AGAP2: variants seen among roughly 807,000 people sequenced by gnomAD.
AGAP2 encodes the protein ArfGAP with GTPase domain, ankyrin repeat and PH domain 2.
In AGAP2, 32 loss-of-function variants were observed where a neutral mutation model predicts 110.9. The ratio of observed to expected loss-of-function variants is 0.29; its 90% confidence interval spans 0.22 to 0.39. The LOEUF (loss-of-function observed/expected upper bound fraction) is 0.39, where lower values mean the gene tolerates loss of function less well. Ranked by LOEUF, AGAP2 falls within the 10% of genes least tolerant of loss-of-function variation. The pLI is 1.00. For missense variants in AGAP2, 1,285 were observed against 1,638.5 expected (o/e 0.78, Z 3.72); for synonymous variants, 702 against 713.0 (o/e 0.98, Z 0.25).
At position 57,737,350 on chromosome 12, in the gene AGAP2, C is replaced by A. The variant is rs780698460; in HGVS notation, c.897G>T (p.Pro299=). Residue 299 remains proline, a synonymous_variant, in exon 1 of 19, where the codon CCG becomes CCT. Transcript: ENST00000547588. This position sits in a 1 kb window ranked among gnomAD's most constrained non-coding sequence, Gnocchi z 5.9. ...CAGCGGTGACAGCAGTGGCTGGACTCGGAGTTGGTGGGAGGGTTAGCGGAG... is the reference window on the plus strand; with the variant it reads ...CAGCGGTGACAGCAGTGGCTGGACTAGGAGTTGGTGGGAGGGTTAGCGGAG... ...SPPPLTLPPT[P]SPATAVTAAS... The A allele has an allele frequency of 2.5e-6, 4 of 1,613,682 alleles. No individual in the cohort carries two copies. The highest frequency in any genetic ancestry group is 8.5e-7 in the Non-Finnish European group (1 of 1,179,824).
chr12:57,724,157 C>T (rs930685249), downstream of AGAP2: 8 of 152,334 alleles, frequency 5.3e-5, no homozygotes, highest in Admixed American at 2.0e-4. Context: ...GCCTAGGACC[C>T]TGTAGAGCCG....
chr12:57,732,328 T>C (rs1172210466), intron 7 of AGAP2, 75 bp downstream of exon 7: 1 of 1,375,168 alleles, frequency 7.3e-7, no homozygotes, highest in African/African-American at 1.4e-5. Flanking sequence ...CCTTGGGTAC[T>C]CTGTACCTGT....
At position 57,727,077 on chromosome 12, in the gene AGAP2, C is replaced by T; in HGVS notation, c.3233G>A (p.Arg1078Gln). ...ATVLLLLAHA[R>Q]HGPLDTSVED... ...TACGCTGGTGTCGAGCGGCCCGTGT[C>T]GCGCATGGGCCAAAAGCAGGAGAAC... Residue 1078 changes from arginine to glutamine, a missense_variant, in exon 18 of 19, where the codon CGA becomes CAA. Transcript: ENST00000547588. 2.5e-6 allele frequency: 4 copies of T among 1,594,692 alleles called. No individual in the cohort carries two copies. Among genetic ancestry groups the T allele is most frequent in the Non-Finnish European group, 3.4e-6 (4 of 1,171,634 alleles).
chr12:57,734,592 T>C lies in AGAP2; in HGVS notation c.1315A>G (p.Ser439Gly). 1 of 1,614,058 alleles carries C rather than the reference T, an allele frequency of 6.2e-7. No individual in the cohort carries two copies. The highest frequency in any genetic ancestry group is 8.5e-7 in the Non-Finnish European group (1 of 1,179,940). The change falls in exon 3 of 19, where the codon AGT (serine) becomes GGT (glycine). Residue 439 changes from serine (S) to glycine (G), a missense_variant and splice_region_variant. By Grantham distance (56) the Ser-to-Gly change is moderately conservative. This residue lies in a region of AGAP2 where 844 missense variants were observed against 941.2 expected (regional missense o/e 0.90). Transcript: ENST00000547588. Reference protein sequence around the residue: ...GSYQVLEKTESEQYKKEMLVD... With the variant: ...GSYQVLEKTEGEQYKKEMLVD... ...CTTACTATGGCTCTTCAGAACTCAC[T>C]CTCTGTCTTCTCCAGCACCTGGTAT... is the stretch of plus-strand genomic sequence containing the variant.
Position 57,727,556 on chromosome 12 carries a change from C to G in AGAP2, c.2884G>C (p.Gly962Arg). Reference sequence around the variant, plus strand: ...GAACACTCGATGCAGATGAGGGCGCCCAGGTTCAAGCTGGCCCACGTGGGG... The same window carrying G: ...GAACACTCGATGCAGATGAGGGCGCGCAGGTTCAAGCTGGCCCACGTGGGG... ...PNPTWASLNL[G>R]ALICIECSGI... The change falls in exon 17 of 19, where the codon GGC becomes CGC. Residue 962 changes from glycine (G) to arginine (R), a missense_variant. Gly to Arg is a moderately radical substitution (Grantham distance 125). This residue lies in a region of AGAP2 where 39 missense variants were observed against 45.8 expected (regional missense o/e 0.85). Transcript: ENST00000547588. 1 of 1,609,656 alleles carries G rather than the reference C, an allele frequency of 6.2e-7. No homozygotes were observed. The highest frequency in any genetic ancestry group is 8.5e-7 in the Non-Finnish European group (1 of 1,179,262).
At chr12:57,733,990 TCCCTTGAAAG>T (rs759098173) in intron 5 of AGAP2, 26 bp downstream of exon 5, 2 of 1,528,284 alleles carry the variant, frequency 1.3e-6, no homozygotes. Context: ...CCTTAGGGCC[TCCCTTGAAAG>T]CAGTGCTTTC....
Position 57,738,344 on chromosome 12 carries a change from C to T in AGAP2, c.-98G>A. On this transcript the variant is annotated 5_prime_UTR_variant, in exon 1 of 19. Transcript: ENST00000547588. This position sits in a 1 kb window ranked among gnomAD's most constrained non-coding sequence, Gnocchi z 6.7. ...GGCCGCCCTGCTCGCTGCCCCCAGC[C>T]CCCGGACCCCGCTGAGCCCCCGGCC... The T allele has an allele frequency of 7.7e-7, 1 of 1,290,418 alleles. No individual in the cohort carries two copies. Among genetic ancestry groups the T allele is most frequent in the Non-Finnish European group, 9.8e-7 (1 of 1,018,184 alleles). The allele number at this position is 1,290,418 out of a possible 1,614,324, so 79.9% of individuals were successfully genotyped here.
Position 57,725,223 on chromosome 12 carries a change from G to A in AGAP2, c.*1329C>T, listed in dbSNP as rs1954740319. On this transcript the variant is annotated 3_prime_UTR_variant, in exon 19 of 19. Coordinates refer to ENST00000547588, the MANE Select transcript of AGAP2 (RefSeq NM_001122772.3). The stretch of plus-strand genomic sequence containing the variant: ...AGACAAAATCACTTCCTCTTTAATT[G>A]CTGTTGAAGAAGATTCACACCACTG... 6.6e-6 allele frequency: 1 copy of A among 151,986 alleles called. No individual in the cohort carries two copies. 9.4% of individuals were successfully genotyped at this position (151,986 alleles called of 1,614,324 possible).
chr12:57,732,638 T>G (rs906090280), intron 6 of AGAP2, 126 bp from the exon 7 acceptor site: 3 of 1,280,168 alleles, frequency 2.3e-6, no homozygotes, highest in African/African-American at 2.9e-5. Context: ...GTGGCCTCCA[T>G]GCCACCTGTG....
At chr12:57,734,434 G>A (rs1242457111) in intron 3 of AGAP2, 30 bp from the exon 4 acceptor site, 3 of 1,612,116 alleles carry the variant, frequency 1.9e-6, no homozygotes, top group Non-Finnish European at 2.5e-6. Context: ...GGGGTAACAG[G>A]TCAGAGGTGA....
chr12:57,736,989 T>C (rs1236694395), intron 1 of AGAP2, 90 bp downstream of exon 1: 2 of 1,442,792 alleles, frequency 1.4e-6, no homozygotes, highest in Non-Finnish European at 1.8e-6. Flanking sequence ...GAGAAAAGCT[T>C]CCCTAGTTTC....
rs765334765 is a variant in AGAP2, at chr12:57,735,447, G to A, written c.1169-20C>T. The A allele has an allele frequency of 6.2e-7, 1 of 1,612,134 alleles. No homozygotes were observed. The highest frequency in any genetic ancestry group is 1.1e-5 in the South Asian group (1 of 90,572). On this transcript the variant is annotated intron_variant, in intron 1 of 18. Coordinates refer to ENST00000547588, the MANE Select transcript of AGAP2 (RefSeq NM_001122772.3). Reference sequence around the variant, plus strand: ...CAGCCTCTGTAACGGGAGAAGGGCAGTAAGAGGGGAGGCTCCTGGCTCAGA... The same window carrying A: ...CAGCCTCTGTAACGGGAGAAGGGCAATAAGAGGGGAGGCTCCTGGCTCAGA...
At chr12:57,738,886 C>T (rs1255521252), upstream of AGAP2, among the ~76,000 whole-genome samples, 1 of 151,944 alleles carries the variant, frequency 6.6e-6, no homozygotes, top group East Asian at 1.9e-4. The surrounding 1 kb of genome is among the most constrained non-coding windows in gnomAD (Gnocchi z 6.7). Flanking sequence ...GGCGTGAGAT[C>T]CGGGCGAAGA....
intron 17 of AGAP2, 57 bp downstream of exon 17, chr12:57,727,303 G>C: frequency 6.2e-7 from 1 of 1,608,674 alleles, no homozygotes; most frequent in Non-Finnish European, 8.5e-7. Flanking sequence ...CCACGGGACC[G>C]TCTCAGGTTC....
Position 57,726,968 on chromosome 12 carries a change from A to C in AGAP2, c.3336+6T>G. The C allele has an allele frequency of 6.4e-7, 1 of 1,561,242 alleles. No homozygotes were observed. The highest frequency in any genetic ancestry group is 8.7e-7 in the Non-Finnish European group (1 of 1,154,424). On this transcript the variant is annotated splice_donor_region_variant and intron_variant, in intron 18 of 18. Transcript: ENST00000547588. The surrounding 1 kb of genome is among the most constrained non-coding windows in gnomAD (Gnocchi z 5.7). ...AGACCCCCTTTCCTCCCCCCAGCTC[A>C]CGTACCCACAGCAGCAGTTGCGTGA...
At position 57,732,975 on chromosome 12, in the gene AGAP2, C is replaced by G. The variant is rs1439105726; in HGVS notation, c.1554G>C (p.Arg518Ser). 6.2e-7 allele frequency: 1 copy of G among 1,613,872 alleles called. No individual in the cohort carries two copies. The highest frequency in any genetic ancestry group is 8.5e-7 in the Non-Finnish European group (1 of 1,180,040). The change falls in exon 6 of 19, where the codon AGG becomes AGC. Residue 518 changes from arginine to serine, a missense_variant. By Grantham distance (110) the Arg-to-Ser change is moderately radical (BLOSUM62 -1). Around this residue, in one of 7 missense-constraint regions of AGAP2, gnomAD observed 844 missense variants for 941.2 expected, o/e 0.90. Transcript: ENST00000547588. ...CCACCCGAGGGGAGGAAGCACTGAT[C>G]CTGTCTGAGGGGACAGGAAAGGGGC... is the stretch of plus-strand genomic sequence containing the variant. ...LALALVGTQD[R>S]ISASSPRVVG...
In AGAP2 at chr12:57,726,850, G is replaced by A; in HGVS notation, c.3337-56C>T. On this transcript the variant is annotated intron_variant, in intron 18 of 18. Transcript: ENST00000547588. The surrounding 1 kb of genome is among the most constrained non-coding windows in gnomAD (Gnocchi z 5.7). ...CGTCCCCAGGGCGCCCACACCCGGC[G>A]CCGCCTCCCCCACATGGCCAAGCCT... The A allele has an allele frequency of 2.8e-6, 4 of 1,435,206 alleles. No homozygotes were observed. Among genetic ancestry groups the A allele is most frequent in the Non-Finnish European group, 3.6e-6 (4 of 1,099,374 alleles). 88.9% of individuals were successfully genotyped at this position (1,435,206 alleles called of 1,614,324 possible).
At chr12:57,731,270 C>T in intron 10 of AGAP2, 96 bp downstream of exon 10, 1 of 1,066,438 alleles carries the variant, frequency 9.4e-7, no homozygotes, top group Non-Finnish European at 1.4e-6. Context: ...ACTAGCACTT[C>T]CTAGAAATGA....
At chr12:57,730,222 T>C (rs950114741) in intron 12 of AGAP2, among the ~76,000 whole-genome samples, 1 of 152,230 alleles carries the variant, frequency 6.6e-6, no homozygotes, top group Non-Finnish European at 1.5e-5. Context: ...GAAACTATTA[T>C]CTCCATGTTA....
Sources: allele counts gnomAD v4.1 joint callset (sites outside exome capture counted in the v4.1 genomes callset), GRCh38; gene constraint gnomAD v4.1.1; regional missense constraint gnomAD v4.1.1; non-coding constraint Gnocchi (gnomAD v3.1); transcripts MANE v1.5; gene names NCBI Gene and HGNC (gene_info 2026-07-23, HGNC 2026-07-21).